Variants in LIN54 observed in about 807,000 individuals in gnomAD.
The protein encoded by LIN54 is protein lin-54 homolog.
A neutral mutation model predicts 78.7 loss-of-function variants in LIN54; 9 were observed. The ratio of observed to expected loss-of-function variants is 0.11; its 90% CI spans 0.07 to 0.20. The LOEUF (loss-of-function observed/expected upper bound fraction) is 0.20. Ranked by LOEUF, LIN54 falls within the 10% of genes least tolerant of loss-of-function variation. LIN54 has a pLI of 1.00. For missense variants in LIN54, 573 were observed against 889.9 expected (o/e 0.64, Z 4.53); for synonymous variants, 269 against 318.4 (o/e 0.84, Z 1.65).
At chr4:82,947,235 A>ATATTTTTTTTTTTTTT in intron 4 of LIN54, among the ~76,000 whole-genome samples, 15 of 44,286 alleles carry the variant, frequency 3.4e-4, no homozygotes, top group African/African-American at 1.5e-3. Context: ...ATATATATAT[A>ATATTTTTTTTTTTTTT]TTTTTTTTTT....
intron 4 of LIN54, among the ~76,000 whole-genome samples, chr4:82,947,235 A>ATATATATATATAT: frequency 1.8e-4 from 8 of 44,292 alleles, no homozygotes; most frequent in East Asian, 1.0e-3. Flanking sequence ...ATATATATAT[A>ATATATATATATAT]TTTTTTTTTT....
rs1202859435 is a variant in LIN54 at position 82,977,126 on chromosome 4, T to C, written c.808+1757A>G. ...CCGCGAACACCACAATTGTTTACCATACAACCCATACCTTCTCCTTCCCAT... is the reference window on the plus strand; with the variant it reads ...CCGCGAACACCACAATTGTTTACCACACAACCCATACCTTCTCCTTCCCAT... On this transcript the variant is annotated intron_variant, in intron 3 of 12. Coordinates refer to ENST00000340417, the MANE Select transcript of LIN54 (RefSeq NM_194282.4). 2.0e-5 allele frequency among the ~76,000 whole-genome samples: 3 copies of C among 152,182 alleles called. No individual in the cohort carries two copies. The East Asian group carries it at 5.8e-4, about 29-fold the overall frequency.
At chr4:82,996,550 C>T (rs1437551390) in intron 1 of LIN54, among the ~76,000 whole-genome samples, 2 of 151,964 alleles carry the variant, frequency 1.3e-5, no homozygotes, top group African/African-American at 2.4e-5. Context: ...GGACTACGAG[C>T]ATGTGCTACC....
At chr4:82,950,428 C>T (rs1265352630) in intron 4 of LIN54, among the ~76,000 whole-genome samples, 7 of 152,172 alleles carry the variant, frequency 4.6e-5, no homozygotes, top group Admixed American at 4.6e-4. Context: ...CTGAAAAAGA[C>T]AGAAGGATTT....
In LIN54 at chr4:83,010,498, G is replaced by A. The variant is rs1284780563; in HGVS notation, c.-47C>T. 13 of 1,031,244 alleles carry A rather than the reference G, an allele frequency of 1.3e-5. No individual in the cohort carries two copies. The highest frequency in any genetic ancestry group is 1.5e-5 in the Non-Finnish European group (13 of 862,354). 63.9% of individuals were successfully genotyped at this position (1,031,244 alleles called of 1,614,324 possible). On this transcript the variant is annotated 5_prime_UTR_variant, in exon 1 of 13. Transcript: ENST00000340417. ...TCCTCCTCTACCTCCAGCGGCTGCC[G>A]CTTTCTCCTCCCTCGGGCTCCGAGG...
At chr4:82,996,656 A>C (rs1428998885) in intron 1 of LIN54, among the ~76,000 whole-genome samples, 2 of 151,914 alleles carry the variant, frequency 1.3e-5, no homozygotes, top group African/African-American at 4.8e-5. Flanking sequence ...CACCCATCTC[A>C]GCCTCCCAAA....
chr4:82,952,733 C>T (rs994865416), intron 4 of LIN54, among the ~76,000 whole-genome samples: 2 of 152,054 alleles, frequency 1.3e-5, no homozygotes, highest in Non-Finnish European at 2.9e-5. Context: ...CAGATGAATG[C>T]CTAATCAAAA....
At chr4:83,012,008 C>A (rs1166645888), upstream of LIN54, 21 of 984,878 alleles carry the variant, frequency 2.1e-5, no homozygotes, top group Non-Finnish European at 2.5e-5. Context: ...AAAGTCATTT[C>A]ATTTCCCTAC....
chr4:82,990,806 G>A (rs948700110), intron 1 of LIN54, among the ~76,000 whole-genome samples: 3 of 152,000 alleles, frequency 2.0e-5, no homozygotes, highest in Non-Finnish European at 4.4e-5. Context: ...CTTTTATAAC[G>A]GGCCAAAGCA....
intron 12 of LIN54, among the ~76,000 whole-genome samples, chr4:82,930,152 G>A (rs1322215133): frequency 6.6e-6 from 1 of 152,172 alleles, no homozygotes; most frequent in Non-Finnish European, 1.5e-5. Flanking sequence ...GCCCACCTTG[G>A]CCTCCCAAAG....
At chr4:82,994,909 C>T (rs961662424) in intron 1 of LIN54, among the ~76,000 whole-genome samples, 2 of 151,974 alleles carry the variant, frequency 1.3e-5, no homozygotes, top group African/African-American at 4.8e-5. Context: ...GAAGAACATA[C>T]GTTTTTACCT....
chr4:82,951,075 AT>A (rs1236516721), intron 4 of LIN54, among the ~76,000 whole-genome samples: 1 of 152,194 alleles, frequency 6.6e-6, no homozygotes, highest in Non-Finnish European at 1.5e-5. Flanking sequence ...AAAAGCTATG[AT>A]TACGTTACCC....
intron 1 of LIN54, among the ~76,000 whole-genome samples, chr4:82,985,389 ATTAAAG>A (rs781683569): frequency 7.2e-5 from 11 of 152,224 alleles, no homozygotes; most frequent in Admixed American, 2.0e-4. Flanking sequence ...AAATACCCAA[ATTAAAG>A]TTAAAGGAGT....
intron 11 of LIN54, among the ~76,000 whole-genome samples, chr4:82,933,562 A>G (rs1192859347): frequency 1.3e-5 from 2 of 152,240 alleles, no homozygotes; most frequent in African/African-American, 2.4e-5. Context: ...CAAGGTGTCA[A>G]AAGAACAGTT....
In LIN54 at chr4:83,005,679, C is replaced by T. The variant is rs1729296223; in HGVS notation, c.-33+4805G>A. Among the ~76,000 whole-genome samples the T allele has an allele frequency of 3.3e-5, 5 of 150,826 alleles. No individual in the cohort carries two copies. The Middle Eastern group carries it at 0.014, about 428-fold the overall frequency. On this transcript the variant is annotated intron_variant, in intron 1 of 12. Transcript: ENST00000340417. ...AGATGCTGGCGAGGCCGTGGGAACA[C>T]GTATACACTGTTGGTGAAAATGTAA...
At chr4:82,940,030 T>C (rs1032709745) in intron 5 of LIN54, 68 bp from the exon 6 acceptor site, 9 of 1,040,014 alleles carry the variant, frequency 8.7e-6, no homozygotes, top group Middle Eastern at 2.1e-4. Context: ...CACTTAAGAA[T>C]ACTTAGCTCT....
At chr4:83,012,593 G>GC (rs894276226), upstream of LIN54, among the ~76,000 whole-genome samples, 1 of 151,974 alleles carries the variant, frequency 6.6e-6, no homozygotes, top group Non-Finnish European at 1.5e-5. Flanking sequence ...AGGATCCTTC[G>GC]CCCCCCGCAA....
chr4:82,969,529 A>C (rs1725476080), intron 4 of LIN54, among the ~76,000 whole-genome samples: 1 of 152,226 alleles, frequency 6.6e-6, no homozygotes, highest in South Asian at 2.1e-4. Flanking sequence ...ATATTTGTAC[A>C]TTATAGTCAA....
intron 4 of LIN54, among the ~76,000 whole-genome samples, chr4:82,954,998 T>C (rs1724168217): frequency 6.6e-6 from 1 of 152,196 alleles, no homozygotes; most frequent in African/African-American, 2.4e-5. Flanking sequence ...TAAGTTAAAC[T>C]TCATTAAAGT....
Sources: allele counts gnomAD v4.1 joint callset (sites outside exome capture counted in the v4.1 genomes callset), GRCh38; gene constraint gnomAD v4.1.1; transcripts MANE v1.5; gene names NCBI Gene and HGNC (gene_info 2026-07-23, HGNC 2026-07-21).